Variants in MRAP2 observed in about 807,000 individuals in gnomAD.
MRAP2 encodes the protein melanocortin-2 receptor accessory protein 2.
A neutral mutation model predicts 17.4 loss-of-function variants in MRAP2; 20 were observed. The observed-to-expected ratio is 1.15, with a 90% confidence interval of 0.81 to 1.67. The LOEUF (loss-of-function observed/expected upper bound fraction) is 1.67, where lower values mean the gene tolerates loss of function less well. MRAP2 is among the 40% of genes most tolerant of loss of function. The pLI is 0.00. For missense variants in MRAP2, 238 were observed against 240.0 expected (o/e 0.99, Z 0.05); for synonymous variants, 96 against 88.4 (o/e 1.09, Z -0.48).
chr6:84,112,915 T>C, the MRAP2 span, among the ~76,000 whole-genome samples: 1 of 152,022 alleles, frequency 6.6e-6, no homozygotes, highest in African/African-American at 2.4e-5. Context: ...CAGTTTTGAG[T>C]GAGTTTTTAA....
At chr6:84,033,596 A>T, upstream of MRAP2, 1 of 816,894 alleles carries the variant, frequency 1.2e-6, no homozygotes, top group Non-Finnish European at 1.5e-6. Context: ...GGGCAAAGTG[A>T]GCAGGAAAGG....
the MRAP2 span, among the ~76,000 whole-genome samples, chr6:84,115,032 C>A: frequency 2.6e-5 from 4 of 152,266 alleles, no homozygotes; most frequent in Non-Finnish European, 2.9e-5. Flanking sequence ...GAGGTGTCTC[C>A]CAGTCAGGAT....
chr6:84,107,793 C>A, the MRAP2 span, among the ~76,000 whole-genome samples: 868 of 152,314 alleles, frequency 5.7e-3, 12 homozygotes, highest in African/African-American at 0.019. Context: ...AGGCATTTGC[C>A]AGATTAATAG....
At chr6:84,085,796 T>A (rs1395713837) in intron 3 of MRAP2, among the ~76,000 whole-genome samples, 1 of 152,220 alleles carries the variant, frequency 6.6e-6, no homozygotes, top group African/African-American at 2.4e-5. Context: ...ACAAGGACAC[T>A]TCTCAGGAAG....
downstream of MRAP2, among the ~76,000 whole-genome samples, chr6:84,095,601 T>C (rs781348405): frequency 2.0e-5 from 3 of 152,202 alleles, no homozygotes; most frequent in African/African-American, 4.8e-5. Flanking sequence ...CTGCCAAGAC[T>C]TTGCCAAAAT....
At chr6:84,115,114 C>A in the MRAP2 span, among the ~76,000 whole-genome samples, 1 of 152,192 alleles carries the variant, frequency 6.6e-6, no homozygotes, top group Non-Finnish European at 1.5e-5. Flanking sequence ...GCTGGGAGAT[C>A]CACAGCTCTC....
the MRAP2 span, chr6:84,124,891 C>T: frequency 4.9e-6 from 3 of 606,104 alleles, no homozygotes; most frequent in Admixed American, 6.8e-5. Context: ...TAGTAAAATA[C>T]ACCATTATAT....
the MRAP2 span, chr6:84,125,270 G>T: frequency 6.2e-7 from 1 of 1,612,628 alleles, no homozygotes; most frequent in African/African-American, 1.3e-5. Flanking sequence ...TGTGTTTGCT[G>T]TATTATCTGC....
rs113764073 is a variant in MRAP2, at chr6:84,043,005, T to G, written c.-8+9122T>G. On this transcript the variant is annotated intron_variant, in intron 1 of 3. Transcript: ENST00000257776. ...AATAAATAGTGTGTGATATGGTGTG[T>G]GCTGTTTGGAGACAGATACCACAAG... Among the ~76,000 whole-genome samples the G allele has an allele frequency of 6.4e-3, 980 of 152,332 alleles. 17 individuals carry two copies. The highest frequency in any genetic ancestry group is 0.022 in the African/African-American group (917 of 41,586).
Position 84,089,686 on chromosome 6 carries a change from A to G in MRAP2, c.*205A>G. 1.7e-6 allele frequency: 1 copy of G among 575,366 alleles called. No individual in the cohort carries two copies. The highest frequency in any genetic ancestry group is 2.9e-6 in the Non-Finnish European group (1 of 341,894). The allele number at this position is 575,366 out of a possible 1,614,324, so 35.6% of individuals were successfully genotyped here. On this transcript the variant is annotated 3_prime_UTR_variant, in exon 4 of 4. Coordinates refer to ENST00000257776, the MANE Select transcript of MRAP2 (RefSeq NM_138409.4). Reference sequence around the variant, plus strand: ...TGTTTTGTTTTGTTTTTGCTTTTTAATACATTTGGAGCTTTGGGAGTATTA... The same window carrying G: ...TGTTTTGTTTTGTTTTTGCTTTTTAGTACATTTGGAGCTTTGGGAGTATTA...
the MRAP2 span, among the ~76,000 whole-genome samples, chr6:84,132,742 G>T: frequency 6.6e-6 from 1 of 152,002 alleles, no homozygotes; most frequent in Non-Finnish European, 1.5e-5. Flanking sequence ...CTAGCCATTC[G>T]TCTACTCTTT....
At chr6:84,094,804 G>T (rs1202378013), downstream of MRAP2, among the ~76,000 whole-genome samples, 1 of 151,852 alleles carries the variant, frequency 6.6e-6, no homozygotes, top group Non-Finnish European at 1.5e-5. Flanking sequence ...CGATTCTCCT[G>T]CCTCAGCCTC....
At chr6:84,063,206 T>A (rs1048777508) in intron 3 of MRAP2, 15 of 985,338 alleles carry the variant, frequency 1.5e-5, no homozygotes, top group Non-Finnish European at 1.7e-5. Flanking sequence ...TGGACTTTTA[T>A]GAAATTGGGT....
chr6:84,059,560 C>A (rs2099492560), intron 2 of MRAP2, among the ~76,000 whole-genome samples: 1 of 152,174 alleles, frequency 6.6e-6, no homozygotes, highest in South Asian at 2.1e-4. Context: ...CCTAGTCCTA[C>A]CCTAGATTGG....
intron 3 of MRAP2, among the ~76,000 whole-genome samples, chr6:84,066,496 G>A (rs1205714040): frequency 6.6e-6 from 1 of 152,048 alleles, no homozygotes; most frequent in South Asian, 2.1e-4. Flanking sequence ...GGTGGACATT[G>A]TTTTTTCCAT....
At chr6:84,127,992 A>T in the MRAP2 span, among the ~76,000 whole-genome samples, 2 of 152,142 alleles carry the variant, frequency 1.3e-5, no homozygotes, top group Non-Finnish European at 2.9e-5. Flanking sequence ...CAGATGTCTC[A>T]TTTTTTTATT....
chr6:84,095,396 G>T (rs146666349), downstream of MRAP2, among the ~76,000 whole-genome samples: 76 of 152,284 alleles, frequency 5.0e-4, no homozygotes, highest in African/African-American at 1.8e-3. Flanking sequence ...AACCTGAGAG[G>T]CCTTTGGAAA....
At chr6:84,059,403 A>G (rs1027844506) in intron 2 of MRAP2, among the ~76,000 whole-genome samples, 1 of 152,242 alleles carries the variant, frequency 6.6e-6, no homozygotes, top group African/African-American at 2.4e-5. Flanking sequence ...CTACTGCCTT[A>G]GGAACAAAAA....
At chr6:84,035,468 G>A (rs965848002) in intron 1 of MRAP2, 2 of 956,354 alleles carry the variant, frequency 2.1e-6, no homozygotes, top group East Asian at 2.3e-4. Flanking sequence ...CTTCAAATGT[G>A]GGCTGTGACT....
Sources: allele counts gnomAD v4.1 joint callset (sites outside exome capture counted in the v4.1 genomes callset), GRCh38; gene constraint gnomAD v4.1.1; transcripts MANE v1.5; gene names NCBI Gene and HGNC (gene_info 2026-07-23, HGNC 2026-07-21).